AGAP1: variants seen among roughly 807,000 people sequenced by gnomAD.
AGAP1 encodes ArfGAP with GTPase domain, ankyrin repeat and PH domain 1, also known as arf-GAP with GTPase, ANK repeat and PH domain-containing protein 1.
AGAP1 carries 29 observed loss-of-function variants against 105.3 expected under a neutral mutation model. That is an observed-to-expected ratio of 0.28 (90% confidence interval 0.21 to 0.38). AGAP1 has a LOEUF of 0.38. AGAP1 is among the 10% of genes least tolerant of loss of function. The pLI is 1.00. For missense variants in AGAP1, 998 were observed against 1,165.1 expected, an observed-to-expected ratio of 0.86 and a Z score of 2.09; for synonymous variants, 509 against 485.9, an observed-to-expected ratio of 1.05 and a Z score of -0.63.
intron 11 of AGAP1, among the ~76,000 whole-genome samples, chr2:235,915,910 C>T (rs375996854): frequency 2.6e-5 from 4 of 151,906 alleles, no homozygotes; most frequent in African/African-American, 9.7e-5. Flanking sequence ...TTAAAACACA[C>T]CAAAAATAGG....
At position 235,497,770 on chromosome 2, in the gene AGAP1, G is replaced by C. The variant is rs573576742; in HGVS notation, c.163+2921G>C. 2.6e-5 allele frequency among the ~76,000 whole-genome samples: 4 copies of C among 152,228 alleles called. No homozygotes were observed. The South Asian group carries it at 8.3e-4, about 32-fold the overall frequency. On this transcript the variant is annotated intron_variant, in intron 1 of 17. Coordinates refer to ENST00000304032, the MANE Select transcript of AGAP1 (RefSeq NM_001037131.3). Reference sequence around the variant, plus strand: ...CCACCTCGCCTGGCTAATTTTTTCTGTTTTTTTAGTAGAGACGGGGTTTCA... The same window carrying C: ...CCACCTCGCCTGGCTAATTTTTTCTCTTTTTTTAGTAGAGACGGGGTTTCA...
At chr2:235,815,660 C>A (rs925968300) in intron 9 of AGAP1, among the ~76,000 whole-genome samples, 2 of 152,100 alleles carry the variant, frequency 1.3e-5, no homozygotes, top group East Asian at 3.8e-4. Flanking sequence ...TGATTTCTAA[C>A]CAACATATTT....
In AGAP1 at chr2:235,967,725, C is replaced by T. The variant is rs563345942; in HGVS notation, c.1484-737C>T. The stretch of plus-strand genomic sequence containing the variant: ...TTTTCCACCCGGCTTGAATTATATG[C>T]GCGTTCTGGTCATGTAGTACCGCTT... On this transcript the variant is annotated intron_variant, in intron 12 of 17. Transcript: ENST00000304032. The surrounding 1 kb of genome is among the most constrained non-coding windows in gnomAD (Gnocchi z 4.7). Among the ~76,000 whole-genome samples the T allele has an allele frequency of 4.6e-5, 7 of 152,296 alleles. No homozygotes were observed. The highest frequency in any genetic ancestry group is 1.9e-4 in the East Asian group (1 of 5,184).
intron 16 of AGAP1, among the ~76,000 whole-genome samples, chr2:236,108,368 T>A (rs1349865587): frequency 1.3e-5 from 2 of 152,186 alleles, no homozygotes; most frequent in Non-Finnish European, 2.9e-5. Context: ...TTTTCTCTCC[T>A]TCCTCTGCCC....
intron 11 of AGAP1, among the ~76,000 whole-genome samples, chr2:235,925,427 G>C (rs1263695750): frequency 2.0e-5 from 3 of 152,254 alleles, no homozygotes; most frequent in African/African-American, 4.8e-5. Flanking sequence ...CCCTGATGGA[G>C]ACAATCCAGA....
At chr2:235,593,165 A>G (rs1366522025) in intron 1 of AGAP1, among the ~76,000 whole-genome samples, 1 of 152,068 alleles carries the variant, frequency 6.6e-6, no homozygotes, top group Non-Finnish European at 1.5e-5. Flanking sequence ...AATTGGAATC[A>G]CCTGTGGCTC....
chr2:235,708,088 G>A (rs534720892), intron 1 of AGAP1, among the ~76,000 whole-genome samples: 3 of 131,914 alleles, frequency 2.3e-5, no homozygotes, highest in South Asian at 2.1e-4. Context: ...GCATCCATGC[G>A]GTCCTCATAT....
rs1209661695 is a variant in AGAP1 at position 235,849,836 on chromosome 2, GGCGCCCAGT to G, written c.1051-33506_1051-33498del. 7.9e-5 allele frequency among the ~76,000 whole-genome samples: 12 copies of G among 152,298 alleles called. No individual in the cohort carries two copies. In the East Asian group the frequency reaches 1.9e-3, roughly 24 times the overall value. The stretch of plus-strand genomic sequence containing the variant: ...AGGGGAGGAAGACGAGCATGGTCTG[GGCGCCCAGT>G]GCTCCTGTCCCCATCTCACACATGT... On this transcript the variant is annotated intron_variant, in intron 9 of 17. Coordinates refer to ENST00000304032, the MANE Select transcript of AGAP1 (RefSeq NM_001037131.3).
intron 9 of AGAP1, among the ~76,000 whole-genome samples, chr2:235,816,101 T>C (rs114754218): frequency 0.025 from 3,819 of 152,204 alleles, 159 homozygotes; most frequent in African/African-American, 0.086. Context: ...TTGGTTAATT[T>C]CTCCCAGGTA....
chr2:235,948,961 C>G (rs1365100401), intron 12 of AGAP1, among the ~76,000 whole-genome samples: 1 of 152,232 alleles, frequency 6.6e-6, no homozygotes, highest in Non-Finnish European at 1.5e-5. Context: ...AACGCAGTGT[C>G]CACAATACGA....
In AGAP1 at chr2:235,621,819, TG is replaced by T. The variant is rs1025810242; in HGVS notation, c.164-87357del. 3.9e-5 allele frequency among the ~76,000 whole-genome samples: 6 copies of T among 152,182 alleles called. No homozygotes were observed. Reference sequence around the variant, plus strand: ...GAGAGGGCACATGGCAGTAACCCCCTGGGAGCGGCTGCTGATGTTCTGGCTC... The same window carrying T: ...GAGAGGGCACATGGCAGTAACCCCCTGGAGCGGCTGCTGATGTTCTGGCTC... On this transcript the variant is annotated intron_variant, in intron 1 of 17. Coordinates refer to ENST00000304032, the MANE Select transcript of AGAP1 (RefSeq NM_001037131.3). This position sits in a 1 kb window ranked among gnomAD's most constrained non-coding sequence, Gnocchi z 4.1.
intron 12 of AGAP1, among the ~76,000 whole-genome samples, chr2:235,944,825 G>A (rs887440329): frequency 6.6e-6 from 1 of 152,146 alleles, no homozygotes; most frequent in African/African-American, 2.4e-5. Flanking sequence ...GATTTGTGAG[G>A]CTGCGGCATC....
rs565992942 is a variant in AGAP1 at position 236,083,997 on chromosome 2, A to G, written c.2114+34716A>G. ...CTCAGTAATTAAAGGAATAATAAGG[A>G]CTCATTGTGTGGCAGGTGGAAGAAA... On this transcript the variant is annotated intron_variant, in intron 16 of 17. Coordinates refer to ENST00000304032, the MANE Select transcript of AGAP1 (RefSeq NM_001037131.3). The surrounding 1 kb of genome is among the most constrained non-coding windows in gnomAD (Gnocchi z 5.3). Among the ~76,000 whole-genome samples the G allele has an allele frequency of 6.6e-6, 1 of 152,052 alleles. No individual in the cohort carries two copies. Among genetic ancestry groups the G allele is most frequent in the Non-Finnish European group, 1.5e-5 (1 of 68,010 alleles).
rs913170211 is a variant in AGAP1 at position 235,992,291 on chromosome 2, G to A, written c.1645+23668G>A. ...AGTTGCAGCTCCACCTCTTCCTGGC[G>A]GGTGGCCTGGGCGAGTGCCTCACGC... On this transcript the variant is annotated intron_variant, in intron 13 of 17. Transcript: ENST00000304032. This position sits in a 1 kb window ranked among gnomAD's most constrained non-coding sequence, Gnocchi z 4.8. 1.3e-5 allele frequency among the ~76,000 whole-genome samples: 2 copies of A among 152,208 alleles called. No homozygotes were observed. The highest frequency in any genetic ancestry group is 6.5e-5 in the Admixed American group (1 of 15,292).
chr2:235,861,632 G>A (rs951105930), intron 9 of AGAP1, among the ~76,000 whole-genome samples: 21 of 152,206 alleles, frequency 1.4e-4, no homozygotes, highest in East Asian at 5.8e-4. Context: ...TGCAGGGAGC[G>A]CATGCTGACA....
intron 9 of AGAP1, among the ~76,000 whole-genome samples, chr2:235,840,978 C>CTGT (rs987056975): frequency 2.0e-5 from 3 of 152,002 alleles, no homozygotes; most frequent in African/African-American, 7.3e-5. Flanking sequence ...ACTTGAGAGA[C>CTGT]TGTTCTCCTA....
chr2:235,744,797 C>G lies in AGAP1; in HGVS notation c.496C>G (p.Arg166Gly). The stretch of plus-strand genomic sequence containing the variant: ...CTACTACAGTCGAATGGCCAACTAT[C>G]GGAACACGAGCGAGATTCCTCTGGT... The part of the protein sequence containing the change: ...YHYYSRMANY[R>G]NTSEIPLVLV... The change falls in exon 5 of 18, where the codon CGG (arginine) becomes GGG (glycine). Residue 166 changes from arginine (R) to glycine (G), a missense_variant. Arg to Gly is a moderately radical substitution (Grantham distance 125). Transcript: ENST00000304032. This position sits in a 1 kb window ranked among gnomAD's most constrained non-coding sequence, Gnocchi z 5.2. The G allele has an allele frequency of 6.2e-7, 1 of 1,613,976 alleles. No individual in the cohort carries two copies. The highest frequency in any genetic ancestry group is 1.6e-4 in the Middle Eastern group (1 of 6,062).
chr2:235,759,570 A>T (rs1352170908), intron 6 of AGAP1, among the ~76,000 whole-genome samples: 1 of 152,176 alleles, frequency 6.6e-6, no homozygotes, highest in Non-Finnish European at 1.5e-5. Context: ...CTCCCAGCGA[A>T]TGGGAGAGGT....
At chr2:236,030,411 T>C (rs1239881015) in intron 13 of AGAP1, among the ~76,000 whole-genome samples, 1 of 152,244 alleles carries the variant, frequency 6.6e-6, no homozygotes, top group Non-Finnish European at 1.5e-5. Context: ...TCTCCGTCCA[T>C]GGGAAGCTTT....
Sources: allele counts gnomAD v4.1 joint callset (sites outside exome capture counted in the v4.1 genomes callset), GRCh38; gene constraint gnomAD v4.1.1; non-coding constraint Gnocchi (gnomAD v3.1); transcripts MANE v1.5; gene names NCBI Gene and HGNC (gene_info 2026-07-23, HGNC 2026-07-21).